PLD1: variants seen among roughly 807,000 people sequenced by gnomAD.
PLD1 encodes phospholipase D1.
PLD1 carries 112 observed loss-of-function variants against 137.1 expected under a neutral mutation model. That is an observed-to-expected ratio of 0.82 (90% CI 0.70 to 0.96). PLD1 has a LOEUF of 0.96. Among genes scored for constraint, PLD1 ranks in the 40% least tolerant of loss-of-function variants. The pLI is 0.00. For missense variants in PLD1, 1,321 were observed against 1,342.0 expected (o/e 0.98, Z 0.24); for synonymous variants, 431 against 454.7 (o/e 0.95, Z 0.66).
intron 1 of PLD1, among the ~76,000 whole-genome samples, chr3:171,747,922 C>G (rs529501195): frequency 1.3e-5 from 2 of 152,196 alleles, no homozygotes; most frequent in East Asian, 3.9e-4. Context: ...AACTTCCTCA[C>G]CTAAAAACTG....
rs539048486 is a variant in PLD1 at position 171,714,096 on chromosome 3, G to A, written c.759-51C>T. ...AAAAGTTGCATTGAGTAAATAAAAC[G>A]AGAAGAACTAATCATTATGACAAGT... is the stretch of plus-strand genomic sequence containing the variant. On this transcript the variant is annotated intron_variant, in intron 8 of 26. Coordinates refer to ENST00000351298, the MANE Select transcript of PLD1 (RefSeq NM_002662.5). The A allele has an allele frequency of 2.4e-5, 27 of 1,115,988 alleles. No individual in the cohort carries two copies. The African/African-American group carries it at 2.9e-4, about 12-fold the overall frequency. 69.1% of individuals were successfully genotyped at this position (1,115,988 alleles called of 1,614,324 possible).
At chr3:171,675,950 TTCCTGCCTCAGCC>T (rs1217128326) in intron 18 of PLD1, among the ~76,000 whole-genome samples, 1 of 151,866 alleles carries the variant, frequency 6.6e-6, no homozygotes, top group Non-Finnish European at 1.5e-5. Context: ...TCAAGTGATT[TTCCTGCCTCAGCC>T]TCCAGAGCAG....
intron 23 of PLD1, among the ~76,000 whole-genome samples, chr3:171,623,693 G>A (rs1360597866): frequency 1.3e-5 from 2 of 151,922 alleles, no homozygotes; most frequent in African/African-American, 4.8e-5. Flanking sequence ...CAGATAAATA[G>A]ACAGATACAC....
At chr3:171,705,520 A>G (rs749968010) in intron 11 of PLD1, among the ~76,000 whole-genome samples, 1 of 152,218 alleles carries the variant, frequency 6.6e-6, no homozygotes, top group Non-Finnish European at 1.5e-5. Flanking sequence ...TACCTCCTAC[A>G]ACTAAATAAG....
intron 13 of PLD1, among the ~76,000 whole-genome samples, chr3:171,691,344 C>T (rs1374738949): frequency 6.6e-6 from 1 of 152,100 alleles, no homozygotes. Flanking sequence ...TGTAATTTTG[C>T]TACTATTTTC....
intron 23 of PLD1, among the ~76,000 whole-genome samples, chr3:171,634,182 G>A (rs1734914391): frequency 6.6e-6 from 1 of 152,036 alleles, no homozygotes; most frequent in South Asian, 2.1e-4. Context: ...CAAGGTACTT[G>A]GAAATCTTTT....
At chr3:171,608,355 T>G (rs1732377643) in intron 25 of PLD1, among the ~76,000 whole-genome samples, 1 of 152,148 alleles carries the variant, frequency 6.6e-6, no homozygotes, top group Admixed American at 6.5e-5. Context: ...CTTTTCTTCA[T>G]CTATAAATCC....
chr3:171,776,279 G>A (rs983667612), intron 1 of PLD1, among the ~76,000 whole-genome samples: 1 of 152,138 alleles, frequency 6.6e-6, no homozygotes. Flanking sequence ...AAGATGAAGA[G>A]CCCCTCCCTC....
intron 10 of PLD1, 53 bp from the exon 11 acceptor site, chr3:171,708,891 A>T: frequency 8.6e-7 from 1 of 1,168,140 alleles, no homozygotes; most frequent in Non-Finnish European, 1.3e-6. Flanking sequence ...AAAGAAAAGA[A>T]ACTTATCTTA....
chr3:171,639,458 GAT>G (rs2108359918), intron 23 of PLD1, among the ~76,000 whole-genome samples: 1 of 116,240 alleles, frequency 8.6e-6, no homozygotes, highest in Non-Finnish European at 1.6e-5. Flanking sequence ...ATATAAATTA[GAT>G]ATAATATATT....
chr3:171,673,932 G>A (rs1181100848), intron 19 of PLD1, among the ~76,000 whole-genome samples: 1 of 150,722 alleles, frequency 6.6e-6, no homozygotes, highest in Non-Finnish European at 1.5e-5. Context: ...ACCAGACTAG[G>A]ATTTCAAGCT....
chr3:171,687,711 T>A (rs1283437052), intron 14 of PLD1, 127 bp from the exon 15 acceptor site: 1 of 648,020 alleles, frequency 1.5e-6, no homozygotes. Flanking sequence ...CATGCAATAA[T>A]GTCTGAGGTC....
intron 23 of PLD1, among the ~76,000 whole-genome samples, chr3:171,629,894 T>G (rs900435544): frequency 2.6e-5 from 4 of 151,582 alleles, no homozygotes; most frequent in African/African-American, 4.8e-5. Flanking sequence ...ACGTTAGACC[T>G]AAAACCATAA....
chr3:171,656,064 C>T (rs1737162121), intron 21 of PLD1, among the ~76,000 whole-genome samples: 1 of 152,094 alleles, frequency 6.6e-6, no homozygotes, highest in Admixed American at 6.5e-5. Flanking sequence ...AGTCACAGAT[C>T]CCTTTTCCTT....
chr3:171,757,499 A>G (rs908744778), intron 1 of PLD1, among the ~76,000 whole-genome samples: 2 of 152,200 alleles, frequency 1.3e-5, no homozygotes, highest in Non-Finnish European at 2.9e-5. Context: ...TTGTTGGAAA[A>G]GACACGGGAT....
In PLD1 at chr3:171,600,559, G is replaced by A. The variant is rs903356394; in HGVS notation, c.*2519C>T. The stretch of plus-strand genomic sequence containing the variant: ...AAATTATTTGAACTTCTAGTAGGTA[G>A]TAATGGTGTCAGAGAATGACAGGTA... On this transcript the variant is annotated 3_prime_UTR_variant, in exon 27 of 27. Coordinates refer to ENST00000351298, the MANE Select transcript of PLD1 (RefSeq NM_002662.5). The A allele has an allele frequency of 2.6e-5, 4 of 151,614 alleles. No homozygotes were observed. The highest frequency in any genetic ancestry group is 9.7e-5 in the African/African-American group (4 of 41,280). 9.4% of individuals were successfully genotyped at this position (151,614 alleles called of 1,614,324 possible).
At chr3:171,623,396 G>C (rs1333711551) in intron 23 of PLD1, among the ~76,000 whole-genome samples, 7 of 147,624 alleles carry the variant, frequency 4.7e-5, no homozygotes, top group Admixed American at 3.4e-4. Context: ...CTCACTGCAA[G>C]CTCCGCCTCC....
chr3:171,650,123 C>A (rs1736600364), intron 21 of PLD1, among the ~76,000 whole-genome samples: 1 of 152,178 alleles, frequency 6.6e-6, no homozygotes, highest in Non-Finnish European at 1.5e-5. Flanking sequence ...ACAAAAACAT[C>A]AACTTCTTTT....
rs760457262 is a variant in PLD1, at chr3:171,713,859, G to T, written c.911+34C>A. ...AAAAAAATGTTTTTAAGGCATTTTT[G>T]TAGAAATCTTTTTTAAATATTTGAA... On this transcript the variant is annotated intron_variant, in intron 9 of 26. Transcript: ENST00000351298. The T allele has an allele frequency of 5.1e-6, 8 of 1,559,188 alleles. No individual in the cohort carries two copies. In the Admixed American group the frequency reaches 1.3e-4, roughly 25 times the overall value.
Sources: allele counts gnomAD v4.1 joint callset (sites outside exome capture counted in the v4.1 genomes callset), GRCh38; gene constraint gnomAD v4.1.1; transcripts MANE v1.5; gene names NCBI Gene and HGNC (gene_info 2026-07-23, HGNC 2026-07-21).